MYO19: variants seen among roughly 807,000 people sequenced by gnomAD.
MYO19 encodes the protein myosin XIX.
In MYO19, 132 loss-of-function variants were observed where a neutral mutation model predicts 129.2. The ratio of observed to expected loss-of-function variants is 1.02; its 90% CI spans 0.89 to 1.18. The LOEUF is 1.18. Among genes scored for constraint, MYO19 ranks in the 50% most tolerant of loss-of-function variants. MYO19 has a pLI of 0.00. For missense variants in MYO19, 1,210 were observed against 1,216.7 expected (o/e 0.99, Z 0.08); for synonymous variants, 531 against 477.2 (o/e 1.11, Z -1.47).
chr17:36,530,451 C>CTTTTTTTTTTTTTTTTTTTTTT (rs11292870), intron 3 of MYO19, among the ~76,000 whole-genome samples: 1 of 94,852 alleles, frequency 1.1e-5, no homozygotes, highest in Non-Finnish European at 2.1e-5. Context: ...CTAAAAGTGG[C>CTTTTTTTTTTTTTTTTTTTTTT]TTTTTTTTTT....
intron 20 of MYO19, 133 bp downstream of exon 20, chr17:36,503,817 C>T (rs896599763): frequency 1 from 650,985 of 651,012 alleles, 325,479 homozygotes; most frequent in Middle Eastern, 1. Flanking sequence ...TAGTTCCCAG[C>T]TGACTTCTAC....
At chr17:36,528,335 C>G in intron 3 of MYO19, 133 bp from the exon 4 acceptor site, 1 of 927,758 alleles carries the variant, frequency 1.1e-6, no homozygotes. Flanking sequence ...GGTGAAACCC[C>G]GTCTCTACTA....
In MYO19 at chr17:36,507,478, A is replaced by C; in HGVS notation, c.1388T>G (p.Phe463Cys). The C allele has an allele frequency of 6.2e-7, 1 of 1,613,744 alleles. No homozygotes were observed. Among genetic ancestry groups the C allele is most frequent in the Non-Finnish European group, 8.5e-7 (1 of 1,179,860 alleles). Residue 463 changes from phenylalanine (F) to cysteine (C), a missense_variant, in exon 16 of 26, where the codon TTC becomes TGC. Phe to Cys is a radical substitution (Grantham distance 205, BLOSUM62 -2). Coordinates refer to ENST00000614623, the MANE Select transcript of MYO19 (RefSeq NM_001163735.2). ...GGGCTGGTTGTCCTGGTAGTTGATGAATGACCACTCCAGGCCCTCAACTGC... is the reference window on the plus strand; with the variant it reads ...GGGCTGGTTGTCCTGGTAGTTGATGCATGACCACTCCAGGCCCTCAACTGC... ...EYAVEGLEWS[F>C]INYQDNQPCL...
At chr17:36,530,215 G>C (rs554240625) in intron 3 of MYO19, among the ~76,000 whole-genome samples, 8 of 152,176 alleles carry the variant, frequency 5.3e-5, no homozygotes, top group Non-Finnish European at 1.2e-4. Context: ...TAGAGGCTGA[G>C]GCAGGAGGGT....
At chr17:36,537,347 GCTT>G, upstream of MYO19, 1 of 1,613,808 alleles carries the variant, frequency 6.2e-7, no homozygotes, top group South Asian at 1.1e-5. Flanking sequence ...TCCTCCTTGA[GCTT>G]CTCGGTGTAA....
At chr17:36,498,790 A>G in intron 24 of MYO19, 3 of 599,516 alleles carry the variant, frequency 5.0e-6, no homozygotes, top group Non-Finnish European at 8.9e-6. Flanking sequence ...ATAAGAGTCC[A>G]TCAAGATATA....
intron 1 of MYO19, among the ~76,000 whole-genome samples, chr17:36,542,636 T>C (rs1363345891): frequency 1.3e-5 from 2 of 151,506 alleles, no homozygotes; most frequent in African/African-American, 4.9e-5. Flanking sequence ...GAGGCGGAGC[T>C]TGCAGTGAGC....
chr17:36,507,727 G>A lies in MYO19; in HGVS notation c.1353+76C>T, dbSNP rs2072017404. ...AACAAAAGGCTTCTAATCAGAACCT[G>A]GACTGGGGCTGGAAGGTCAGGAAGG... On this transcript the variant is annotated intron_variant, in intron 15 of 25. Coordinates refer to ENST00000614623, the MANE Select transcript of MYO19 (RefSeq NM_001163735.2). The A allele has an allele frequency of 3.4e-6, 5 of 1,480,096 alleles. No homozygotes were observed. In the South Asian group the frequency reaches 4.1e-5, roughly 12 times the overall value. The allele number at this position is 1,480,096 out of a possible 1,614,324, so 91.7% of individuals were successfully genotyped here. A position where few individuals can be genotyped will look rare whatever the true frequency, so the allele number is the denominator to read the frequency against.
chr17:36,532,101 T>C (rs894555220), intron 3 of MYO19, among the ~76,000 whole-genome samples: 3 of 152,198 alleles, frequency 2.0e-5, no homozygotes, highest in Admixed American at 1.3e-4. Flanking sequence ...CCTACATTTC[T>C]GCACAGGCTG....
chr17:36,511,992 C>T (rs757468547), intron 11 of MYO19, among the ~76,000 whole-genome samples: 1 of 152,076 alleles, frequency 6.6e-6, no homozygotes, highest in Non-Finnish European at 1.5e-5. Context: ...TGTTCCACAC[C>T]GACAAGCCCC....
Position 36,499,112 on chromosome 17 carries a change from G to C in MYO19, c.2426C>G (p.Ala809Gly), listed in dbSNP as rs377155500. ...CCATGCACGCTTGATGACTGTGGCA[G>C]CTGCATGCAGCCTCTGGATGTGTTT... ...TRKHIQRLHAAATVIKRAWQK... is the reference protein window; with the variant it reads ...TRKHIQRLHAGATVIKRAWQK... The change falls in exon 24 of 26, where the codon GCT becomes GGT. Residue 809 changes from alanine to glycine, a missense_variant. Transcript: ENST00000614623. 1.7e-5 allele frequency: 28 copies of C among 1,610,622 alleles called. No individual in the cohort carries two copies. In the African/African-American group the frequency reaches 3.5e-4, roughly 20 times the overall value.
intron 21 of MYO19, among the ~76,000 whole-genome samples, chr17:36,502,146 G>A (rs1455657174): frequency 2.0e-5 from 3 of 152,286 alleles, no homozygotes; most frequent in East Asian, 1.9e-4. Context: ...GGGTCCTGCC[G>A]AGGCGGGGCC....
upstream of MYO19, chr17:36,537,915 T>C (rs772439616): frequency 1.9e-6 from 3 of 1,614,138 alleles, no homozygotes; most frequent in East Asian, 6.7e-5. Flanking sequence ...TACTGTATTA[T>C]ACCAGCTAGC....
chr17:36,508,835 T>C (rs1243865296), intron 14 of MYO19: 1 of 569,638 alleles, frequency 1.8e-6, no homozygotes, highest in African/African-American at 1.9e-5. Context: ...CAAGGCACTG[T>C]TGAGCCTGTC....
chr17:36,513,681 A>G lies in MYO19; in HGVS notation c.765T>C (p.Leu255=), dbSNP rs376150218. ...GCCAGGAGAAGGCAGCTCCCTCAGG[A>G]AGGTGCCACTGGAGCCTCTCGTCCT... ...ASEDERLQWH[L]PEGAAFSWLP... Residue 255 remains leucine, a synonymous_variant, in exon 10 of 26, where the codon CTT becomes CTC. Coordinates refer to ENST00000614623, the MANE Select transcript of MYO19 (RefSeq NM_001163735.2). The G allele has an allele frequency of 3.7e-6, 6 of 1,613,762 alleles. No individual in the cohort carries two copies. The highest frequency in any genetic ancestry group is 5.1e-6 in the Non-Finnish European group (6 of 1,179,884).
Position 36,507,410 on chromosome 17 carries a change from G to A in MYO19, c.1456C>T (p.Leu486Phe). The A allele has an allele frequency of 6.2e-7, 1 of 1,613,410 alleles. No individual in the cohort carries two copies. ...IEGSPISICS[L>F]INEECRLNRP... ...GCTGACCTCCCCACCTCATTTATGA[G>A]GGAGCAGATGCTGATGGGGCTTCCC... Residue 486 changes from leucine to phenylalanine, a missense_variant, in exon 16 of 26, where the codon CTC (leucine) becomes TTC (phenylalanine). Leu to Phe is a conservative substitution (Grantham distance 22). Transcript: ENST00000614623.
intron 7 of MYO19, 118 bp from the exon 8 acceptor site, chr17:36,515,300 T>G (rs2072667822): frequency 1.2e-6 from 1 of 829,094 alleles, no homozygotes; most frequent in Non-Finnish European, 1.9e-6. Context: ...AAAGGCCCCT[T>G]TGTTGGTTTT....
intron 19 of MYO19, 93 bp downstream of exon 19, chr17:36,505,204 C>G: frequency 8.7e-7 from 1 of 1,146,670 alleles, no homozygotes; most frequent in Non-Finnish European, 1.3e-6. Flanking sequence ...CTTCTGTGCA[C>G]TCCATTTGGA....
intron 17 of MYO19, 157 bp downstream of exon 17, chr17:36,506,806 T>A: frequency 4.5e-6 from 5 of 1,113,234 alleles, no homozygotes; most frequent in Non-Finnish European, 2.5e-6. Context: ...GCTTGATTAG[T>A]GGAGACCTCA....
Sources: gnomAD v4.1 joint callset for allele counts (sites outside exome capture counted in the v4.1 genomes callset) on GRCh38, gnomAD v4.1.1 for gene constraint, MANE v1.5 for transcripts, NCBI Gene and HGNC (gene_info 2026-07-23, HGNC 2026-07-21) for gene names.